ZFPM2: variants seen among roughly 807,000 people sequenced by gnomAD.
The protein encoded by ZFPM2 is zinc finger protein, FOG family member 2, also known as zinc finger protein ZFPM2.
In ZFPM2, 20 loss-of-function variants were observed where a neutral mutation model predicts 98.6. That is an observed-to-expected ratio of 0.20 (90% CI 0.14 to 0.29). The LOEUF is 0.29. ZFPM2 is among the 10% of genes least tolerant of loss of function. The pLI, the probability that ZFPM2 is intolerant of heterozygous loss-of-function variation, is 1.00. For missense variants in ZFPM2, 1,310 were observed against 1,388.6 expected (o/e 0.94, Z 0.90); for synonymous variants, 518 against 502.7 (o/e 1.03, Z -0.41).
chr8:105,616,195 A>G (rs1816410506), intron 4 of ZFPM2, among the ~76,000 whole-genome samples: 1 of 152,140 alleles, frequency 6.6e-6, no homozygotes, highest in Non-Finnish European at 1.5e-5. Context: ...CCTACAAGCA[A>G]GTTTTTACAT....
At chr8:105,386,394 C>T (rs752437131) in intron 1 of ZFPM2, among the ~76,000 whole-genome samples, 8 of 151,986 alleles carry the variant, frequency 5.3e-5, no homozygotes, top group Admixed American at 1.3e-4. Flanking sequence ...ATCCTGTGTC[C>T]GGAATTCGTG....
Position 105,548,432 on chromosome 8 carries a change from A to G in ZFPM2, c.302-12931A>G, listed in dbSNP as rs567069605. Among the ~76,000 whole-genome samples the G allele has an allele frequency of 1.3e-3, 192 of 152,006 alleles. 1 individual carries two copies. Among genetic ancestry groups the G allele is most frequent in the African/African-American group, 4.4e-3 (181 of 41,472 alleles). On this transcript the variant is annotated intron_variant, in intron 3 of 7. Coordinates refer to ENST00000407775, the MANE Select transcript of ZFPM2 (RefSeq NM_012082.4). ...ATGTTTACAATATTGAACGACAGAA[A>G]CTCTTACCATCAGTTATGATTTCAT...
At chr8:105,512,202 C>T (rs879651548) in intron 3 of ZFPM2, among the ~76,000 whole-genome samples, 1 of 152,096 alleles carries the variant, frequency 6.6e-6, no homozygotes, top group Non-Finnish European at 1.5e-5. Flanking sequence ...CATTGGGAGT[C>T]CTATTTAGAC....
intron 5 of ZFPM2, among the ~76,000 whole-genome samples, chr8:105,694,263 G>A (rs1406838683): frequency 6.6e-6 from 1 of 151,914 alleles, no homozygotes; most frequent in African/African-American, 2.4e-5. Flanking sequence ...TGGGATTACA[G>A]GCCTGAGCCA....
intron 3 of ZFPM2, among the ~76,000 whole-genome samples, chr8:105,446,207 AC>A (rs562175872): frequency 1.5e-3 from 232 of 152,290 alleles, no homozygotes; most frequent in African/African-American, 5.3e-3. Flanking sequence ...GGCGTGAGCT[AC>A]CGTGCCCGGC....
At chr8:105,478,750 T>C (rs1186941903) in intron 3 of ZFPM2, among the ~76,000 whole-genome samples, 1 of 152,192 alleles carries the variant, frequency 6.6e-6, no homozygotes, top group African/African-American at 2.4e-5. Flanking sequence ...TCCTAAACTG[T>C]CTCTGGTCAT....
chr8:105,580,994 C>A (rs1209629711), intron 4 of ZFPM2, among the ~76,000 whole-genome samples: 1 of 151,576 alleles, frequency 6.6e-6, no homozygotes, highest in Non-Finnish European at 1.5e-5. Context: ...GAGTAGTGAC[C>A]AACTCAAGCT....
intron 2 of ZFPM2, among the ~76,000 whole-genome samples, chr8:105,441,517 G>C (rs1211643996): frequency 8.9e-6 from 1 of 112,006 alleles, no homozygotes; most frequent in African/African-American, 3.2e-5. Flanking sequence ...GCCCAGGGGC[G>C]CCCCGGTGTT....
At chr8:105,484,666 A>G (rs1387811321) in intron 3 of ZFPM2, among the ~76,000 whole-genome samples, 1 of 152,176 alleles carries the variant, frequency 6.6e-6, no homozygotes, top group Non-Finnish European at 1.5e-5. Context: ...CTCAATAAAT[A>G]TTGGCTACTA....
chr8:105,549,530 C>CCTTCCTTCCTTCCTTA (rs1814795805), intron 3 of ZFPM2, among the ~76,000 whole-genome samples: 1 of 117,206 alleles, frequency 8.5e-6, no homozygotes, highest in Non-Finnish European at 1.8e-5. Flanking sequence ...TTCCTTCCTT[C>CCTTCCTTCCTTCCTTA]CTTCCTTCCT....
rs1811743572 is a variant in ZFPM2 at position 105,419,178 on chromosome 8, A to T, written c.75A>T (p.Glu25Asp). The T allele has an allele frequency of 6.2e-7, 1 of 1,613,400 alleles. No homozygotes were observed. The highest frequency in any genetic ancestry group is 8.5e-7 in the Non-Finnish European group (1 of 1,179,680). ...AAGATGCCATTGAAGATGAGGAAGA[A>T]GAATGTCCATCAGAGGAAACAGACA... The part of the protein sequence containing the change: ...PLEDAIEDEE[E>D]ECPSEETDII... The change falls in exon 2 of 8, where the codon GAA becomes GAT. Residue 25 changes from glutamate to aspartate, a missense_variant. By Grantham distance (45) the Glu-to-Asp change is conservative (BLOSUM62 2). Coordinates refer to ENST00000407775, the MANE Select transcript of ZFPM2 (RefSeq NM_012082.4).
In ZFPM2 at chr8:105,801,250, A is replaced by C. The variant is rs536096943; in HGVS notation, c.1168A>C (p.Lys390Gln). The change falls in exon 8 of 8, where the codon AAA becomes CAA. Residue 390 changes from lysine (K) to glutamine (Q), a missense_variant. Lys to Gln is a moderately conservative substitution (Grantham distance 53). Transcript: ENST00000407775. ...QHQELHVPSGKLPRESDMEHS... is the reference protein window; with the variant it reads ...QHQELHVPSGQLPRESDMEHS... ...CCAGGAGCTCCATGTCCCTAGCGGC[A>C]AACTTCCCAGAGAAAGTGACATGGA... 30 of 1,613,942 alleles carry C rather than the reference A, an allele frequency of 1.9e-5. No homozygotes were observed. The South Asian group carries it at 3.2e-4, about 17-fold the overall frequency.
chr8:105,375,825 C>A (rs185253755), intron 1 of ZFPM2, among the ~76,000 whole-genome samples: 7 of 152,214 alleles, frequency 4.6e-5, no homozygotes, highest in African/African-American at 1.7e-4. Context: ...ACTTCTTGTC[C>A]AAGGGTTTGC....
At chr8:105,401,876 C>T (rs74813316) in intron 1 of ZFPM2, among the ~76,000 whole-genome samples, 94 of 152,042 alleles carry the variant, frequency 6.2e-4, no homozygotes, top group African/African-American at 2.0e-3. Context: ...CCTGTTGTTT[C>T]GTCAGTGTTT....
chr8:105,479,719 A>C (rs1813080426), intron 3 of ZFPM2, among the ~76,000 whole-genome samples: 1 of 152,188 alleles, frequency 6.6e-6, no homozygotes. Context: ...TATTTCAGGA[A>C]GTAAAGGCCA....
intron 1 of ZFPM2, among the ~76,000 whole-genome samples, chr8:105,351,947 A>T (rs1812654876): frequency 6.6e-6 from 1 of 152,200 alleles, no homozygotes; most frequent in Non-Finnish European, 1.5e-5. Context: ...ATCCCCTCAG[A>T]GCTCGTTAGA....
intron 3 of ZFPM2, among the ~76,000 whole-genome samples, chr8:105,514,975 T>A (rs1291664552): frequency 6.6e-6 from 1 of 152,154 alleles, no homozygotes; most frequent in Non-Finnish European, 1.5e-5. Context: ...ATTAAGGCTG[T>A]GAATTAACTT....
At position 105,388,922 on chromosome 8, in the gene ZFPM2, GAA is replaced by G. The variant is rs557634847; in HGVS notation, c.41-30221_41-30220del. Among the ~76,000 whole-genome samples, 858 of 152,230 alleles carry G rather than the reference GAA, an allele frequency of 5.6e-3. 5 individuals carry two copies. The highest frequency in any genetic ancestry group is 9.0e-3 in the Non-Finnish European group (611 of 68,014). ...TGATACACTGTAGCAATAGTCCAGA[GAA>G]GAGGTGTTGATGGCCCTATGAAAAG... is the stretch of plus-strand genomic sequence containing the variant. On this transcript the variant is annotated intron_variant, in intron 1 of 7. Transcript: ENST00000407775.
chr8:105,480,592 G>A (rs1039491014), intron 3 of ZFPM2, among the ~76,000 whole-genome samples: 1 of 152,038 alleles, frequency 6.6e-6, no homozygotes, highest in African/African-American at 2.4e-5. Context: ...ACTTATACAA[G>A]GGTGGACTAC....
Sources: gnomAD v4.1 joint callset for allele counts (sites outside exome capture counted in the v4.1 genomes callset) on GRCh38, gnomAD v4.1.1 for gene constraint, MANE v1.5 for transcripts, NCBI Gene and HGNC (gene_info 2026-07-23, HGNC 2026-07-21) for gene names.